The following ROBO2 variants were observed in gnomAD, a reference collection of about 807,000 sequenced individuals.
ROBO2 encodes the protein roundabout guidance receptor 2, also known as roundabout homolog 2.
Under a neutral mutation model 160.8 loss-of-function variants are expected in ROBO2, and 53 were observed. The observed-to-expected ratio is 0.33, with a 90% CI of 0.26 to 0.41. The LOEUF (loss-of-function observed/expected upper bound fraction) is 0.41. Ranked by LOEUF, ROBO2 falls within the 10% of genes least tolerant of loss-of-function variation. The pLI is 1.00. For missense variants in ROBO2, 1,577 were observed against 1,722.4 expected (o/e 0.92, Z 1.49); for synonymous variants, 664 against 611.7 (o/e 1.09, Z -1.26).
At chr3:76,981,264 A>G (rs1260768447) in intron 2 of ROBO2, among the ~76,000 whole-genome samples, 4 of 152,178 alleles carry the variant, frequency 2.6e-5, no homozygotes, top group Non-Finnish European at 5.9e-5. Context: ...GAATTGACAG[A>G]CTATTTTCCA....
At chr3:77,602,826 C>T in intron 20 of ROBO2, 3 of 471,238 alleles carry the variant, frequency 6.4e-6, no homozygotes, top group Admixed American at 2.4e-5. Flanking sequence ...AACATTCCTC[C>T]ACTCTCCCAC....
Position 77,288,434 on chromosome 3 carries a change from TG to T in ROBO2, c.389-188978del, listed in dbSNP as rs2060770139. Among the ~76,000 whole-genome samples, 11 of 152,306 alleles carry T rather than the reference TG, an allele frequency of 7.2e-5. No individual in the cohort carries two copies. The South Asian group carries it at 2.3e-3, about 32-fold the overall frequency. On this transcript the variant is annotated intron_variant, in intron 2 of 25. Coordinates refer to ENST00000461745, the Ensembl canonical transcript of ROBO2. Reference sequence around the variant, plus strand: ...CTGACTGTTTTTCTGGACATGTAGCTGGAAAGGAGACTCAAATCTTCATATG... The same window carrying T: ...CTGACTGTTTTTCTGGACATGTAGCTGAAAGGAGACTCAAATCTTCATATG...
intron 2 of ROBO2, among the ~76,000 whole-genome samples, chr3:76,601,219 G>C (rs2087115000): frequency 6.6e-6 from 1 of 152,152 alleles, no homozygotes; most frequent in African/African-American, 2.4e-5. Context: ...TTGAGTGCCT[G>C]AAGCTTTTCC....
At chr3:77,244,433 G>T (rs956341624) in intron 2 of ROBO2, among the ~76,000 whole-genome samples, 22 of 152,128 alleles carry the variant, frequency 1.4e-4, no homozygotes, top group African/African-American at 4.3e-4. Flanking sequence ...TTTAGCATGC[G>T]CAAAGTCAAA....
At position 77,126,421 on chromosome 3, in the gene ROBO2, G is replaced by C. The variant is rs143367844; in HGVS notation, c.388+28081G>C. Among the ~76,000 whole-genome samples, 382 of 152,302 alleles carry C rather than the reference G, an allele frequency of 2.5e-3. 2 individuals are homozygous for C. Among genetic ancestry groups the C allele is most frequent in the African/African-American group, 8.8e-3 (366 of 41,562 alleles). On this transcript the variant is annotated intron_variant, in intron 2 of 25. Coordinates refer to ENST00000461745, the Ensembl canonical transcript of ROBO2. ...GATTTACAGATTCCAATTTGTGTAA[G>C]AGAAAAACAGTGCCAAATACTGGAT...
At chr3:76,857,148 G>C (rs978198408) in intron 2 of ROBO2, among the ~76,000 whole-genome samples, 2 of 152,030 alleles carry the variant, frequency 1.3e-5, no homozygotes, top group Non-Finnish European at 2.9e-5. Flanking sequence ...ACCACGCCCG[G>C]ATAATTTTTT....
intron 2 of ROBO2, among the ~76,000 whole-genome samples, chr3:77,359,750 C>T (rs897912722): frequency 4.6e-5 from 7 of 152,160 alleles, no homozygotes; most frequent in African/African-American, 1.7e-4. Flanking sequence ...TTGATAACAG[C>T]TCAGTGCAGC....
intron 2 of ROBO2, among the ~76,000 whole-genome samples, chr3:76,350,805 TCTC>T (rs1188845537): frequency 6.6e-6 from 1 of 151,880 alleles, no homozygotes; most frequent in Non-Finnish European, 1.5e-5. Flanking sequence ...GAATTTGCCA[TCTC>T]CTTTTTCTGT....
At chr3:76,146,868 A>C (rs2071921997) in intron 2 of ROBO2, among the ~76,000 whole-genome samples, 1 of 149,414 alleles carries the variant, frequency 6.7e-6, no homozygotes, top group African/African-American at 2.4e-5. Flanking sequence ...CCTCCACCAC[A>C]CACACACTCA....
At chr3:77,332,011 T>C (rs2066017673) in intron 2 of ROBO2, among the ~76,000 whole-genome samples, 2 of 152,256 alleles carry the variant, frequency 1.3e-5, no homozygotes, top group South Asian at 4.1e-4. Context: ...CGGCCTGAAA[T>C]GCCTATTTTT....
intron 2 of ROBO2, among the ~76,000 whole-genome samples, chr3:77,451,964 C>A (rs2081162947): frequency 1.3e-5 from 2 of 151,996 alleles, no homozygotes. Flanking sequence ...GTTCCCCTTC[C>A]TGTGTCCAAG....
chr3:77,201,509 G>A (rs188779091), intron 2 of ROBO2, among the ~76,000 whole-genome samples: 4 of 152,148 alleles, frequency 2.6e-5, no homozygotes, highest in Admixed American at 6.5e-5. Flanking sequence ...TAACAAGGCC[G>A]CTGAACCTTT....
chr3:77,595,391 C>A (rs1315592489), intron 18 of ROBO2, among the ~76,000 whole-genome samples: 1 of 152,078 alleles, frequency 6.6e-6, no homozygotes, highest in African/African-American at 2.4e-5. Flanking sequence ...CTCCCAGATG[C>A]CCCTGAAGAA....
chr3:76,821,855 T>G lies in ROBO2; in HGVS notation c.110-276159T>G, dbSNP rs528598659. On this transcript the variant is annotated intron_variant, in intron 2 of 26. Transcript: ENST00000487694. ...TTTTTAACTATCACTGCTTTTTAAT[T>G]ATCACTTTTTAACAATGTCAGTGGT... Among the ~76,000 whole-genome samples, 9 of 152,128 alleles carry G rather than the reference T, an allele frequency of 5.9e-5. No individual in the cohort carries two copies. The East Asian group carries it at 1.5e-3, about 26-fold the overall frequency.
intron 2 of ROBO2, among the ~76,000 whole-genome samples, chr3:76,654,913 G>GTGTATATATATATATATA (rs536883164): frequency 8.1e-5 from 6 of 74,186 alleles, no homozygotes; most frequent in African/African-American, 1.5e-4. Context: ...ATATGTGTGT[G>GTGTATATATATATATATA]TATATATATA....
At chr3:77,604,463 A>C (rs1488845610) in intron 20 of ROBO2, among the ~76,000 whole-genome samples, 1 of 152,146 alleles carries the variant, frequency 6.6e-6, no homozygotes, top group Non-Finnish European at 1.5e-5. Flanking sequence ...TGCCACCACC[A>C]AGTTTTAAAA....
intron 1 of ROBO2, among the ~76,000 whole-genome samples, chr3:75,928,999 G>GTA (rs1947410133): frequency 6.8e-6 from 1 of 148,054 alleles, no homozygotes. Context: ...GTGTGTGTGT[G>GTA]TGATAGCTCA....
chr3:76,813,435 T>G (rs1035649372), intron 2 of ROBO2, among the ~76,000 whole-genome samples: 1 of 152,122 alleles, frequency 6.6e-6, no homozygotes, highest in Non-Finnish European at 1.5e-5. Flanking sequence ...TTTAAAACTT[T>G]GTTTTAAAAT....
At chr3:76,487,962 C>T (rs985342765) in intron 2 of ROBO2, among the ~76,000 whole-genome samples, 3 of 152,152 alleles carry the variant, frequency 2.0e-5, no homozygotes, top group Non-Finnish European at 4.4e-5. Flanking sequence ...ATGGCAATCA[C>T]AGAAGTGACA....
Sources: allele counts gnomAD v4.1 joint callset (sites outside exome capture counted in the v4.1 genomes callset), GRCh38; gene constraint gnomAD v4.1.1; transcripts MANE v1.5; gene names NCBI Gene and HGNC (gene_info 2026-07-23, HGNC 2026-07-21).